ZBTB16: variants seen among roughly 807,000 people sequenced by gnomAD.
ZBTB16 encodes zinc finger and BTB domain-containing protein 16.
ZBTB16 carries 8 observed loss-of-function variants against 56.8 expected under a neutral mutation model. That is an observed-to-expected ratio of 0.14 (90% CI 0.08 to 0.25). The LOEUF is 0.25. Among genes scored for constraint, ZBTB16 ranks in the 10% least tolerant of loss-of-function variants. ZBTB16 has a pLI of 1.00. For missense variants in ZBTB16, 625 were observed against 903.0 expected (o/e 0.69, Z 3.95); for synonymous variants, 363 against 368.5 (o/e 0.98, Z 0.17).
At chr11:114,183,768 C>T (rs999702432) in intron 3 of ZBTB16, among the ~76,000 whole-genome samples, 3 of 152,198 alleles carry the variant, frequency 2.0e-5, no homozygotes, top group South Asian at 4.1e-4. Context: ...TTCATCCAGC[C>T]GCAGCTTTCC....
At chr11:114,190,422 G>A (rs1291947832) in intron 4 of ZBTB16, among the ~76,000 whole-genome samples, 1 of 152,122 alleles carries the variant, frequency 6.6e-6, no homozygotes, top group African/African-American at 2.4e-5. Flanking sequence ...TTAGCCAACA[G>A]TTGGGTAAAA....
intron 2 of ZBTB16, among the ~76,000 whole-genome samples, chr11:114,122,450 A>G (rs548495409): frequency 2.8e-4 from 42 of 150,826 alleles, no homozygotes; most frequent in Non-Finnish European, 3.9e-4. Flanking sequence ...GTAAATGTGT[A>G]TTACATAGGG....
rs780881752 is a variant in ZBTB16, at chr11:114,242,259, C to T, written c.1546C>T (p.Arg516Cys). The T allele has an allele frequency of 1.2e-6, 2 of 1,614,074 alleles. No individual in the cohort carries two copies. The highest frequency in any genetic ancestry group is 2.2e-5 in the South Asian group (2 of 91,086). Residue 516 changes from arginine (R) to cysteine (C), a missense_variant, in exon 5 of 7, where the codon CGC becomes TGC. Physicochemically the swap from Arg to Cys is radical, Grantham distance 180 (BLOSUM62 -3). This residue lies in a region of ZBTB16 where 140 missense variants were observed against 214.8 expected (regional missense o/e 0.65). Coordinates refer to ENST00000335953, the MANE Select transcript of ZBTB16 (RefSeq NM_006006.6). Reference protein sequence around the residue: ...QQHMEVHAGVRSYICSECNRT... With the variant: ...QQHMEVHAGVCSYICSECNRT... ...GCACATGGAGGTCCACGCGGGCGTG[C>T]GCAGCTACATCTGCAGTGAGTGCAA... is the stretch of plus-strand genomic sequence containing the variant.
chr11:114,151,008 C>T (rs555509030), intron 2 of ZBTB16, among the ~76,000 whole-genome samples: 5 of 152,154 alleles, frequency 3.3e-5, no homozygotes, highest in East Asian at 1.9e-4. Flanking sequence ...CTCATGGGGG[C>T]GGCAGACTTT....
intron 3 of ZBTB16, among the ~76,000 whole-genome samples, chr11:114,161,702 G>A (rs1000654204): frequency 8.5e-5 from 13 of 152,198 alleles, no homozygotes; most frequent in African/African-American, 3.1e-4. Context: ...AGATACATCT[G>A]TGGAAGGAAT....
At chr11:114,155,272 C>T (rs1425833416) in intron 2 of ZBTB16, among the ~76,000 whole-genome samples, 2 of 152,196 alleles carry the variant, frequency 1.3e-5, no homozygotes, top group South Asian at 2.1e-4. Context: ...GAGACTGGGG[C>T]GGAGGTGGAG....
chr11:114,068,569 T>G (rs903154694), intron 2 of ZBTB16, among the ~76,000 whole-genome samples: 1 of 152,192 alleles, frequency 6.6e-6, no homozygotes, highest in Non-Finnish European at 1.5e-5. Flanking sequence ...CTGACTTACC[T>G]AAACAAACCA....
chr11:114,104,481 G>C (rs1396451284), intron 2 of ZBTB16, among the ~76,000 whole-genome samples: 1 of 152,162 alleles, frequency 6.6e-6, no homozygotes, highest in Non-Finnish European at 1.5e-5. Context: ...TGGCAGGAAG[G>C]GAAAGGGAAG....
At chr11:114,176,079 T>C (rs548556138) in intron 3 of ZBTB16, among the ~76,000 whole-genome samples, 2 of 152,132 alleles carry the variant, frequency 1.3e-5, no homozygotes, top group South Asian at 2.1e-4. Flanking sequence ...CGGAGCATTC[T>C]GAAGTTGCTT....
At chr11:114,210,204 C>CGCGT (rs200415523) in intron 4 of ZBTB16, among the ~76,000 whole-genome samples, 1 of 142,216 alleles carries the variant, frequency 7.0e-6, no homozygotes, top group Admixed American at 7.0e-5. Flanking sequence ...CGTGCGCGCG[C>CGCGT]GTGCACAGTT....
intron 2 of ZBTB16, among the ~76,000 whole-genome samples, chr11:114,123,667 G>C (rs1941406483): frequency 6.6e-6 from 1 of 152,154 alleles, no homozygotes; most frequent in Non-Finnish European, 1.5e-5. Context: ...ATTTGAAATT[G>C]AGTCTAAATT....
At chr11:114,235,690 C>CTTTCTTTCTTTCTTTCT (rs1555159923) in intron 4 of ZBTB16, among the ~76,000 whole-genome samples, 15 of 68,278 alleles carry the variant, frequency 2.2e-4, no homozygotes, top group African/African-American at 8.5e-4. Context: ...TTCTTTCTTT[C>CTTTCTTTCTTTCTTTCT]TTTTCTTTCT....
At position 114,063,166 on chromosome 11, in the gene ZBTB16, T is replaced by A. The variant is rs757995457; in HGVS notation, c.-90-45T>A. ...TTAGGGACACTGATGAATTTGTCTT[T>A]TGTTCTCTCATCTCTTTTGCTTCTT... is the stretch of plus-strand genomic sequence containing the variant. On this transcript the variant is annotated intron_variant, in intron 1 of 6. Transcript: ENST00000335953. This position sits in a 1 kb window ranked among gnomAD's most constrained non-coding sequence, Gnocchi z 6.5. The A allele has an allele frequency of 3.6e-4, 357 of 982,902 alleles. 1 individual carries two copies. The Middle Eastern group carries it at 6.6e-3, about 18-fold the overall frequency. The allele number at this position is 982,902 out of a possible 1,614,324, so 60.9% of individuals were successfully genotyped here. A position where few individuals can be genotyped will look rare whatever the true frequency, so the allele number is the denominator to read the frequency against.
At chr11:114,147,808 T>A (rs1942148405) in intron 2 of ZBTB16, among the ~76,000 whole-genome samples, 1 of 152,178 alleles carries the variant, frequency 6.6e-6, no homozygotes, top group South Asian at 2.1e-4. Flanking sequence ...TTGCAACATC[T>A]CCTTAATCCA....
At chr11:114,095,253 T>TCTTTTCTTTTTTTTC (rs1218074003) in intron 2 of ZBTB16, among the ~76,000 whole-genome samples, 1 of 129,876 alleles carries the variant, frequency 7.7e-6, no homozygotes, top group Non-Finnish European at 1.6e-5. Context: ...TTCTTTTTTT[T>TCTTTTCTTTTTTTTC]TTTTTTTTTT....
intron 3 of ZBTB16, among the ~76,000 whole-genome samples, chr11:114,169,215 A>G (rs532088029): frequency 2.4e-4 from 37 of 152,328 alleles, no homozygotes; most frequent in African/African-American, 8.9e-4. Flanking sequence ...CCTGTGCTGC[A>G]GCCCAGAAAT....
intron 2 of ZBTB16, among the ~76,000 whole-genome samples, chr11:114,081,020 G>A (rs1939738715): frequency 6.6e-6 from 1 of 152,186 alleles, no homozygotes; most frequent in African/African-American, 2.4e-5. Flanking sequence ...GGTCCAGAGA[G>A]GTTCTGTGAT....
At position 114,242,174 on chromosome 11, in the gene ZBTB16, C is replaced by T. The variant is rs1591810426; in HGVS notation, c.1461C>T (p.Asp487=). The change falls in exon 5 of 7, where the codon GAC becomes GAT. Residue 487 remains aspartate, a synonymous_variant. Transcript: ENST00000335953. ...CTCTCCTGTCTCCCACAGGCACTGA[C>T]ATGGCCGTCTTCTGTCTGCTGTGTG... ...ETHRQTHTGT[D]MAVFCLLCGK... 6.2e-7 allele frequency: 1 copy of T among 1,613,704 alleles called. No homozygotes were observed. Among genetic ancestry groups the T allele is most frequent in the Non-Finnish European group, 8.5e-7 (1 of 1,179,882 alleles).
chr11:114,159,284 T>A (rs530203844), intron 3 of ZBTB16, among the ~76,000 whole-genome samples: 1 of 152,232 alleles, frequency 6.6e-6, no homozygotes, highest in South Asian at 2.1e-4. Context: ...TGGGTCCTCT[T>A]TTCCTAGTTT....
Sources: allele counts gnomAD v4.1 joint callset (sites outside exome capture counted in the v4.1 genomes callset), GRCh38; gene constraint gnomAD v4.1.1; regional missense constraint gnomAD v4.1.1; non-coding constraint Gnocchi (gnomAD v3.1); transcripts MANE v1.5; gene names NCBI Gene and HGNC (gene_info 2026-07-23, HGNC 2026-07-21).